The following ZNF148 variants were observed in gnomAD, a reference collection of about 807,000 sequenced individuals.
ZNF148 encodes the protein Beta-Enolase Repressor Factor-1.
ZNF148 carries 7 observed loss-of-function variants against 67.7 expected under a neutral mutation model. The observed-to-expected ratio is 0.10, with a 90% CI of 0.06 to 0.19. ZNF148 has a LOEUF of 0.19. ZNF148 is among the 10% of genes least tolerant of loss of function. ZNF148 has a pLI of 1.00. For synonymous variants in ZNF148, 333 were observed against 330.7 expected, an observed-to-expected ratio of 1.01 and a Z score of -0.08; for missense variants, 583 against 947.1, an observed-to-expected ratio of 0.62 and a Z score of 5.05.
chr3:125,370,569 T>C (rs1942847612), intron 1 of ZNF148, among the ~76,000 whole-genome samples: 1 of 152,164 alleles, frequency 6.6e-6, no homozygotes, highest in South Asian at 2.1e-4. Context: ...ATACATAAAC[T>C]ACATGTGAAT....
Position 125,226,527 on chromosome 3 carries a change from ATAAC to A in ZNF148, c.*5810_*5813del. On this transcript the variant is annotated 3_prime_UTR_variant, in exon 9 of 9. Transcript: ENST00000360647. Reference sequence around the variant, plus strand: ...GTTTTATAAACTCCAAATGGCAAAGATAACTATATGACAATAGTGTTGAAAGCCG... The same window carrying A: ...GTTTTATAAACTCCAAATGGCAAAGATATATGACAATAGTGTTGAAAGCCG... The A allele has an allele frequency of 6.5e-6, 1 of 152,756 alleles. No individual in the cohort carries two copies. Among genetic ancestry groups the A allele is most frequent in the South Asian group, 2.1e-4 (1 of 4,828 alleles). 9.5% of individuals were successfully genotyped at this position (152,756 alleles called of 1,614,324 possible).
intron 4 of ZNF148, among the ~76,000 whole-genome samples, chr3:125,301,090 G>A (rs1474960788): frequency 1.3e-5 from 2 of 152,188 alleles, no homozygotes; most frequent in Non-Finnish European, 2.9e-5. Flanking sequence ...TTAGCTACAT[G>A]TGACTACTGA....
intron 3 of ZNF148, among the ~76,000 whole-genome samples, chr3:125,321,284 C>T (rs1254153057): frequency 6.6e-6 from 1 of 151,986 alleles, no homozygotes; most frequent in Admixed American, 6.6e-5. Context: ...CTGATCAGTG[C>T]TAACAAGAAA....
chr3:125,339,587 T>C (rs934654305), intron 1 of ZNF148, among the ~76,000 whole-genome samples: 3 of 152,132 alleles, frequency 2.0e-5, no homozygotes, highest in Non-Finnish European at 4.4e-5. Flanking sequence ...GAGTGTCAGA[T>C]AGTGTGGTTT....
At chr3:125,309,771 G>T (rs1463422810) in intron 4 of ZNF148, among the ~76,000 whole-genome samples, 1 of 152,210 alleles carries the variant, frequency 6.6e-6, no homozygotes, top group African/African-American at 2.4e-5. Flanking sequence ...ATACACTGGA[G>T]AAGGCGCAGG....
At chr3:125,268,163 C>T (rs1323265316) in intron 7 of ZNF148, among the ~76,000 whole-genome samples, 1 of 151,286 alleles carries the variant, frequency 6.6e-6, no homozygotes, top group Non-Finnish European at 1.5e-5. Context: ...TACAGATTCA[C>T]CACCATTCCT....
chr3:125,314,876 G>A (rs909185178), intron 3 of ZNF148: 1 of 152,112 alleles, frequency 6.6e-6, no homozygotes, highest in South Asian at 2.1e-4. Context: ...AGGGCAACAA[G>A]GCAAAACCCC....
chr3:125,275,483 G>A (rs1938004710), intron 7 of ZNF148, among the ~76,000 whole-genome samples: 2 of 152,282 alleles, frequency 1.3e-5, no homozygotes, highest in South Asian at 4.1e-4. Flanking sequence ...TGGACTCACA[G>A]AGGCTTGAGC....
intron 4 of ZNF148, among the ~76,000 whole-genome samples, chr3:125,301,385 T>G (rs189105657): frequency 6.6e-6 from 1 of 152,202 alleles, no homozygotes; most frequent in Admixed American, 6.5e-5. Context: ...GTTGAAAACA[T>G]AGTGCCATTG....
chr3:125,308,470 G>A (rs1817183), intron 4 of ZNF148, among the ~76,000 whole-genome samples: 116,336 of 149,958 alleles, frequency 0.78, 45,724 homozygotes, highest in African/African-American at 0.87. Flanking sequence ...TGGTTTGTCA[G>A]TCAAGTCAAT....
chr3:125,280,282 T>C (rs1039724374), intron 5 of ZNF148, among the ~76,000 whole-genome samples: 4 of 152,094 alleles, frequency 2.6e-5, no homozygotes, highest in African/African-American at 7.2e-5. Flanking sequence ...TCTGGGCTTA[T>C]TGAGATTAAG....
intron 7 of ZNF148, among the ~76,000 whole-genome samples, chr3:125,264,282 G>A (rs1004294534): frequency 2.6e-5 from 4 of 152,356 alleles, no homozygotes; most frequent in Admixed American, 1.3e-4. Flanking sequence ...CTAAACTTGT[G>A]ATTGGCATCC....
At position 125,229,195 on chromosome 3, in the gene ZNF148, T is replaced by C. The variant is rs2107821324; in HGVS notation, c.*3146A>G. On this transcript the variant is annotated 3_prime_UTR_variant, in exon 9 of 9. Coordinates refer to ENST00000360647, the MANE Select transcript of ZNF148 (RefSeq NM_021964.3). ...ACTACAGTAATGCCTACTTTTAAAG[T>C]TTCCCGGCCTTTTTTTTTTTTTTTT... The C allele has an allele frequency of 8.7e-6, 1 of 114,782 alleles. No homozygotes were observed. The highest frequency in any genetic ancestry group is 2.2e-4 in the East Asian group (1 of 4,596). The allele number at this position is 114,782 out of a possible 1,614,324, so 7.1% of individuals were successfully genotyped here.
rs772303970 is a variant in ZNF148, at chr3:125,282,588, AT to A, written c.460-3342del. 1.2e-4 allele frequency among the ~76,000 whole-genome samples: 19 copies of A among 152,266 alleles called. No individual in the cohort carries two copies. The East Asian group carries it at 1.3e-3, about 11-fold the overall frequency. ...ATTTTTTTTCTTATCTGTTTAGTAAATTTAAAACAAGACTTTATAGAAAAAA... is the reference window on the plus strand; with the variant it reads ...ATTTTTTTTCTTATCTGTTTAGTAAATTAAAACAAGACTTTATAGAAAAAA... On this transcript the variant is annotated intron_variant, in intron 5 of 8. Transcript: ENST00000360647.
intron 4 of ZNF148, among the ~76,000 whole-genome samples, chr3:125,312,078 C>T (rs1012966625): frequency 3.3e-5 from 5 of 152,152 alleles, no homozygotes; most frequent in Admixed American, 2.0e-4. Flanking sequence ...GGAATACTTG[C>T]TAATTTATTC....
In ZNF148 at chr3:125,234,046, T is replaced by C. The variant is rs1935973158; in HGVS notation, c.787-107A>G. On this transcript the variant is annotated intron_variant, in intron 8 of 8. Transcript: ENST00000360647. ...ATAAAGATATATTAATGCAATAACA[T>C]ACATAATTCCAAACAAATTCACTGA... 6 of 1,392,636 alleles carry C rather than the reference T, an allele frequency of 4.3e-6. No homozygotes were observed. The East Asian group carries it at 1.5e-4, about 35-fold the overall frequency. The allele number at this position is 1,392,636 out of a possible 1,614,324, so 86.3% of individuals were successfully genotyped here.
rs1050793109 is a variant in ZNF148 at position 125,231,342 on chromosome 3, G to C, written c.*999C>G. 6.6e-6 allele frequency: 1 copy of C among 152,268 alleles called. No individual in the cohort carries two copies. Among genetic ancestry groups the C allele is most frequent in the African/African-American group, 2.4e-5 (1 of 41,342 alleles). 9.4% of individuals were successfully genotyped at this position (152,268 alleles called of 1,614,324 possible). A position where few individuals can be genotyped will look rare whatever the true frequency, so the allele number is the denominator to read the frequency against. On this transcript the variant is annotated 3_prime_UTR_variant, in exon 9 of 9. Transcript: ENST00000360647. The stretch of plus-strand genomic sequence containing the variant: ...AAATTGTCAATTACGAGATGATTAT[G>C]ACACAACCATATCAAACCTAAAAAT...
At chr3:125,373,445 T>G (rs918990150) in intron 1 of ZNF148, among the ~76,000 whole-genome samples, 5 of 151,674 alleles carry the variant, frequency 3.3e-5, no homozygotes, top group Admixed American at 3.3e-4. Flanking sequence ...TTTTTAAGAG[T>G]ATGGTTCTAG....
chr3:125,285,201 C>T (rs1233379047), intron 5 of ZNF148, among the ~76,000 whole-genome samples: 1 of 152,102 alleles, frequency 6.6e-6, no homozygotes, highest in Non-Finnish European at 1.5e-5. Flanking sequence ...GAGTGGAGTC[C>T]TCTAGGCATA....
Sources: gnomAD v4.1 joint callset for allele counts (sites outside exome capture counted in the v4.1 genomes callset) on GRCh38, gnomAD v4.1.1 for gene constraint, MANE v1.5 for transcripts, NCBI Gene and HGNC (gene_info 2026-07-23, HGNC 2026-07-21) for gene names.